Variants in DAB1 observed in about 807,000 individuals in gnomAD.
DAB1 encodes disabled homolog 1.
DAB1 carries 15 observed loss-of-function variants against 64.6 expected under a neutral mutation model. That is an observed-to-expected ratio of 0.23 (90% confidence interval 0.16 to 0.36). The LOEUF (loss-of-function observed/expected upper bound fraction) is 0.36, where lower values mean the gene tolerates loss of function less well. Among genes scored for constraint, DAB1 ranks in the 10% least tolerant of loss-of-function variants. The pLI is 1.00. For missense variants in DAB1, 596 were observed against 706.7 expected, an observed-to-expected ratio of 0.84 and a Z score of 1.78; for synonymous variants, 235 against 251.9, an observed-to-expected ratio of 0.93 and a Z score of 0.64.
At chr1:58,154,672 G>C (rs1228316671) in intron 4 of DAB1, among the ~76,000 whole-genome samples, 1 of 152,242 alleles carries the variant, frequency 6.6e-6, no homozygotes, top group East Asian at 1.9e-4. Context: ...GAATGCTCCA[G>C]AAAAGGGGAG....
chr1:57,108,192 T>G (rs938419023), intron 4 of DAB1, among the ~76,000 whole-genome samples: 7 of 152,162 alleles, frequency 4.6e-5, no homozygotes, highest in East Asian at 1.9e-4. Flanking sequence ...TATCCCCAAA[T>G]GAGCCTATTA....
intron 1 of DAB1, among the ~76,000 whole-genome samples, chr1:57,370,769 C>T (rs1680434105): frequency 2.0e-5 from 3 of 152,128 alleles, no homozygotes. Flanking sequence ...CTTCCTAAGC[C>T]TTGAGTCCTG....
chr1:57,330,454 A>T (rs1218266993), intron 1 of DAB1, among the ~76,000 whole-genome samples: 1 of 152,150 alleles, frequency 6.6e-6, no homozygotes, highest in Non-Finnish European at 1.5e-5. Flanking sequence ...CTAGCTGGGT[A>T]ACCTTGGATA....
chr1:57,408,305 G>A (rs1683820654), intron 1 of DAB1, among the ~76,000 whole-genome samples: 1 of 152,102 alleles, frequency 6.6e-6, no homozygotes. Flanking sequence ...AGAAAAGGCA[G>A]CATATACTAC....
chr1:58,406,676 C>A (rs1644617748), intron 3 of DAB1, among the ~76,000 whole-genome samples: 1 of 151,350 alleles, frequency 6.6e-6, no homozygotes, highest in Non-Finnish European at 1.5e-5. Context: ...TCTGACTCTG[C>A]TCCAAGATAA....
Position 57,674,871 on chromosome 1 carries a change from A to G in DAB1, n.552-25206T>C, listed in dbSNP as rs185645882. ...TTCATACTTGAAAATCACTATTCCAATGGTGGCCACAGTAACAATCAGCAA... is the reference window on the plus strand; with the variant it reads ...TTCATACTTGAAAATCACTATTCCAGTGGTGGCCACAGTAACAATCAGCAA... On this transcript the variant is annotated intron_variant and non_coding_transcript_variant, in intron 6 of 20. Transcript: ENST00000485760. Among the ~76,000 whole-genome samples, 4 of 152,320 alleles carry G rather than the reference A, an allele frequency of 2.6e-5. No individual in the cohort carries two copies. In the East Asian group the frequency reaches 5.8e-4, roughly 22 times the overall value.
chr1:57,610,782 C>A (rs1416162888), intron 7 of DAB1, among the ~76,000 whole-genome samples: 1 of 152,170 alleles, frequency 6.6e-6, no homozygotes, highest in South Asian at 2.1e-4. Context: ...AGGGAAACCA[C>A]CCCCATGATC....
intron 7 of DAB1, among the ~76,000 whole-genome samples, chr1:57,462,309 A>G (rs757127469): frequency 2.0e-5 from 3 of 152,060 alleles, no homozygotes; most frequent in Non-Finnish European, 4.4e-5. Flanking sequence ...TTCCCTGCCT[A>G]TTTTTGGCTG....
intron 1 of DAB1, among the ~76,000 whole-genome samples, chr1:57,294,838 T>C (rs1673057506): frequency 6.6e-6 from 1 of 152,118 alleles, no homozygotes; most frequent in Admixed American, 6.6e-5. Flanking sequence ...CCCTCCCAGA[T>C]TTCCATTAGT....
intron 7 of DAB1, among the ~76,000 whole-genome samples, chr1:57,647,547 T>C (rs934653892): frequency 3.9e-5 from 6 of 152,288 alleles, no homozygotes; most frequent in African/African-American, 1.4e-4. Context: ...TGATTCACCA[T>C]TCCTAACTGA....
intron 7 of DAB1, among the ~76,000 whole-genome samples, chr1:57,644,813 G>A (rs116071781): frequency 0.01 from 1,551 of 152,322 alleles, 23 homozygotes; most frequent in African/African-American, 0.036. Flanking sequence ...CACTGGGCAA[G>A]CCATTAGGAA....
chr1:58,062,056 C>T (rs1338090232), intron 5 of DAB1, among the ~76,000 whole-genome samples: 3 of 152,186 alleles, frequency 2.0e-5, no homozygotes, highest in Non-Finnish European at 4.4e-5. Context: ...AATGACTAGC[C>T]TTGGGCTAGA....
intron 7 of DAB1, among the ~76,000 whole-genome samples, chr1:57,488,582 C>T (rs549137569): frequency 4.7e-5 from 7 of 147,528 alleles, no homozygotes; most frequent in African/African-American, 7.5e-5. Flanking sequence ...AAGCTGAGGC[C>T]GGAGAATCAC....
At chr1:57,502,170 A>G (rs1449115610) in intron 7 of DAB1, among the ~76,000 whole-genome samples, 1 of 151,798 alleles carries the variant, frequency 6.6e-6, no homozygotes, top group Non-Finnish European at 1.5e-5. Flanking sequence ...AAATACAAAA[A>G]ATTAGCCGGT....
Position 58,285,405 on chromosome 1 carries a change from C to T in DAB1, n.309+57947G>A, listed in dbSNP as rs551356046. ...TATCTAGAAATATCCCTGTATTTAA[C>T]ATGATCTTATATCTAGGAAAAAACC... On this transcript the variant is annotated intron_variant and non_coding_transcript_variant, in intron 4 of 20. Transcript: ENST00000485760. Among the ~76,000 whole-genome samples, 57 of 152,262 alleles carry T rather than the reference C, an allele frequency of 3.7e-4. 1 individual carries two copies. Among genetic ancestry groups the T allele is most frequent in the Middle Eastern group, 6.8e-3 (2 of 294 alleles).
At chr1:57,719,371 C>G (rs1274342358) in intron 6 of DAB1, among the ~76,000 whole-genome samples, 1 of 152,114 alleles carries the variant, frequency 6.6e-6, no homozygotes, top group Non-Finnish European at 1.5e-5. Context: ...AAGCCATAAG[C>G]CAGAGGGAGG....
At chr1:57,446,594 G>A (rs1278259024) in intron 7 of DAB1, among the ~76,000 whole-genome samples, 3 of 78,418 alleles carry the variant, frequency 3.8e-5, no homozygotes, top group African/African-American at 7.9e-5. Context: ...GCAAAACTCC[G>A]TTGCAAAAAA....
chr1:57,548,999 T>C (rs193017302), intron 7 of DAB1, among the ~76,000 whole-genome samples: 12 of 152,324 alleles, frequency 7.9e-5, no homozygotes, highest in African/African-American at 2.9e-4. Context: ...CCAAATGGTA[T>C]GGCTCCAGAG....
At chr1:58,480,368 C>T (rs1047069217) in intron 3 of DAB1, among the ~76,000 whole-genome samples, 4 of 151,968 alleles carry the variant, frequency 2.6e-5, no homozygotes, top group African/African-American at 9.7e-5. Context: ...GTGGAAATGC[C>T]CTCTCCCCCA....
Sources: allele counts gnomAD v4.1 joint callset (sites outside exome capture counted in the v4.1 genomes callset), GRCh38; gene constraint gnomAD v4.1.1; transcripts MANE v1.5; gene names NCBI Gene and HGNC (gene_info 2026-07-23, HGNC 2026-07-21).